The following PRMT8 variants were observed in gnomAD, a reference collection of about 807,000 sequenced individuals.
PRMT8 encodes protein arginine N-methyltransferase 8.
In PRMT8, 7 loss-of-function variants were observed where a neutral mutation model predicts 47.1. The ratio of observed to expected loss-of-function variants is 0.15; its 90% confidence interval spans 0.08 to 0.28. The LOEUF is 0.28. PRMT8 is among the 10% of genes least tolerant of loss of function. The pLI, the probability that PRMT8 is intolerant of heterozygous loss-of-function variation, is 1.00. For missense variants in PRMT8, 237 were observed against 505.4 expected, an observed-to-expected ratio of 0.47 and a Z score of 5.09; for synonymous variants, 188 against 186.5, an observed-to-expected ratio of 1.01 and a Z score of -0.07.
intron 7 of PRMT8, among the ~76,000 whole-genome samples, chr12:3,579,347 G>C (rs922027719): frequency 6.6e-6 from 1 of 152,086 alleles, no homozygotes; most frequent in Non-Finnish European, 1.5e-5. Flanking sequence ...TGCACTGCCG[G>C]ACACGTCAGC....
intron 1 of PRMT8, among the ~76,000 whole-genome samples, chr12:3,509,166 A>G (rs1865673915): frequency 1.3e-5 from 2 of 152,098 alleles, no homozygotes; most frequent in African/African-American, 4.8e-5. Context: ...TGGCTTTTCC[A>G]TTATTCTTAG....
chr12:3,406,819 C>T (rs1182355618), intron 1 of PRMT8, among the ~76,000 whole-genome samples: 1 of 152,210 alleles, frequency 6.6e-6, no homozygotes, highest in Non-Finnish European at 1.5e-5. Context: ...TCCAAACTTT[C>T]CCACATTTTC....
intron 1 of PRMT8, among the ~76,000 whole-genome samples, chr12:3,432,126 G>A (rs1182347199): frequency 6.6e-6 from 1 of 152,186 alleles, no homozygotes; most frequent in Non-Finnish European, 1.5e-5. Context: ...AGTTGAAGTG[G>A]AAGACCCAGA....
At position 3,566,824 on chromosome 12, in the gene PRMT8, A is replaced by C. The variant is rs3782747; in HGVS notation, c.482-1882A>C. On this transcript the variant is annotated intron_variant, in intron 4 of 9. Transcript: ENST00000382622. This position sits in a 1 kb window ranked among gnomAD's most constrained non-coding sequence, Gnocchi z 4.7. ...AGTTTTTTTCAGAGGATATTGCAGA[A>C]TGAGAGTTTCAGAGCATGAATATAT... 4.6e-5 allele frequency among the ~76,000 whole-genome samples: 7 copies of C among 152,204 alleles called. No homozygotes were observed. The highest frequency in any genetic ancestry group is 7.2e-5 in the African/African-American group (3 of 41,450).
chr12:3,562,180 A>G (rs1866648494), intron 4 of PRMT8, among the ~76,000 whole-genome samples: 1 of 152,168 alleles, frequency 6.6e-6, no homozygotes, highest in Non-Finnish European at 1.5e-5. Context: ...TATTAACTTG[A>G]CTAATAACCA....
At chr12:3,446,883 G>A (rs59851153) in intron 1 of PRMT8, among the ~76,000 whole-genome samples, 18,710 of 152,196 alleles carry the variant, frequency 0.12, 1,554 homozygotes, top group African/African-American at 0.23. Context: ...GTGTTGATCC[G>A]CTGCTTCCAA....
chr12:3,499,208 T>A (rs1255503629), intron 1 of PRMT8, among the ~76,000 whole-genome samples: 1 of 131,598 alleles, frequency 7.6e-6, no homozygotes, highest in East Asian at 2.1e-4. Flanking sequence ...TTTTTTTTTT[T>A]ATTATACTCT....
At chr12:3,561,031 A>AGTGCTCT (rs1340546005) in intron 4 of PRMT8, among the ~76,000 whole-genome samples, 3 of 152,188 alleles carry the variant, frequency 2.0e-5, no homozygotes, top group Non-Finnish European at 4.4e-5. Context: ...GCCTTATATA[A>AGTGCTCT]GTGCTCTGAC....
Position 3,458,083 on chromosome 12 carries a change from C to T in PRMT8, c.48+76641C>T, listed in dbSNP as rs12304252. 9.0e-3 allele frequency among the ~76,000 whole-genome samples: 1,368 copies of T among 152,192 alleles called. 18 individuals are homozygous for T. Among genetic ancestry groups the T allele is most frequent in the African/African-American group, 0.031 (1,294 of 41,546 alleles). On this transcript the variant is annotated intron_variant, in intron 1 of 9. Coordinates refer to the PRMT8 transcript ENST00000452611. ...GTCTCGATTTCTTGACCTCGTGATCCGCCCGCCTCGGCCTCCCAAAGCGCT... is the reference window on the plus strand; with the variant it reads ...GTCTCGATTTCTTGACCTCGTGATCTGCCCGCCTCGGCCTCCCAAAGCGCT...
chr12:3,541,749 TTTTG>T (rs1214101619), intron 2 of PRMT8, among the ~76,000 whole-genome samples: 1 of 152,224 alleles, frequency 6.6e-6, no homozygotes, highest in African/African-American at 2.4e-5. Flanking sequence ...TAGCCAGCTC[TTTTG>T]TTTGTTTGTT....
chr12:3,581,218 G>A (rs1867056457), intron 7 of PRMT8, among the ~76,000 whole-genome samples: 1 of 152,222 alleles, frequency 6.6e-6, no homozygotes, highest in African/African-American at 2.4e-5. Flanking sequence ...AGGCCAGGGT[G>A]ATGAGCGGTC....
chr12:3,553,464 G>A (rs544868813), intron 3 of PRMT8, 187 bp from the exon 4 acceptor site: 22 of 614,824 alleles, frequency 3.6e-5, no homozygotes, highest in East Asian at 5.5e-5. Context: ...GCCCAATTTC[G>A]TGGAAGGCCG....
In PRMT8 at chr12:3,382,803, A is replaced by G. The variant is rs147206782; in HGVS notation, c.48+1361A>G. Among the ~76,000 whole-genome samples, 979 of 152,324 alleles carry G rather than the reference A, an allele frequency of 6.4e-3. 12 individuals are homozygous for G. Among genetic ancestry groups the G allele is most frequent in the African/African-American group, 0.021 (892 of 41,576 alleles). On this transcript the variant is annotated intron_variant, in intron 1 of 9. Transcript: ENST00000452611. Reference sequence around the variant, plus strand: ...AGATCTCTTGGCCTAACCCTAGATCATGAAAATTTTCTCCTGTGCCTTTTC... The same window carrying G: ...AGATCTCTTGGCCTAACCCTAGATCGTGAAAATTTTCTCCTGTGCCTTTTC...
chr12:3,542,768 C>G (rs948688586), intron 2 of PRMT8, among the ~76,000 whole-genome samples: 1 of 152,214 alleles, frequency 6.6e-6, no homozygotes, highest in African/African-American at 2.4e-5. Context: ...CTGAGCCACA[C>G]CTTTGGCGTT....
In PRMT8 at chr12:3,593,594, T is replaced by C. The variant is rs1867361411; in HGVS notation, c.*412T>C. The C allele has an allele frequency of 4.2e-6, 1 of 239,112 alleles. No individual in the cohort carries two copies. Among genetic ancestry groups the C allele is most frequent in the Admixed American group, 5.4e-5 (1 of 18,534 alleles). The allele number at this position is 239,112 out of a possible 1,614,324, so 14.8% of individuals were successfully genotyped here. A position where few individuals can be genotyped will look rare whatever the true frequency, so the allele number is the denominator to read the frequency against. The stretch of plus-strand genomic sequence containing the variant: ...AGCATCTTTGATAGCATAAGCCAGA[T>C]TATCTGTGTGTGCGGTGGTGTGCGT... On this transcript the variant is annotated 3_prime_UTR_variant, in exon 10 of 10. Transcript: ENST00000382622. The surrounding 1 kb of genome is among the most constrained non-coding windows in gnomAD (Gnocchi z 4.8).
chr12:3,459,259 C>T (rs149823982), intron 1 of PRMT8, among the ~76,000 whole-genome samples: 353 of 152,302 alleles, frequency 2.3e-3, no homozygotes, highest in Middle Eastern at 0.014. Context: ...CTTCCTTGAC[C>T]CCTCTTGGAT....
At chr12:3,483,724 T>C (rs1266864418) in intron 1 of PRMT8, among the ~76,000 whole-genome samples, 1 of 152,216 alleles carries the variant, frequency 6.6e-6, no homozygotes, top group Admixed American at 6.5e-5. Flanking sequence ...GATAGACAGG[T>C]AGAAATTTTA....
At chr12:3,478,627 C>G (rs1865242208) in intron 1 of PRMT8, among the ~76,000 whole-genome samples, 1 of 152,200 alleles carries the variant, frequency 6.6e-6, no homozygotes, top group Admixed American at 6.5e-5. Context: ...AAGGCCTATT[C>G]CATTCCCTAG....
chr12:3,457,635 C>T (rs1565412672), intron 1 of PRMT8, among the ~76,000 whole-genome samples: 1 of 151,998 alleles, frequency 6.6e-6, no homozygotes, highest in Non-Finnish European at 1.5e-5. Flanking sequence ...TCTATAGTAC[C>T]TTGACCTTGA....
Sources: gnomAD v4.1 joint callset for allele counts (sites outside exome capture counted in the v4.1 genomes callset) on GRCh38, gnomAD v4.1.1 for gene constraint, Gnocchi (gnomAD v3.1) non-coding constraint, MANE v1.5 for transcripts, NCBI Gene and HGNC (gene_info 2026-07-23, HGNC 2026-07-21) for gene names.